OSBPL10: variants seen among roughly 807,000 people sequenced by gnomAD.
The protein encoded by OSBPL10 is oxysterol binding protein like 10, also known as oxysterol-binding protein-related protein 10.
A neutral mutation model predicts 81.7 loss-of-function variants in OSBPL10; 49 were observed. The ratio of observed to expected loss-of-function variants is 0.60; its 90% CI spans 0.48 to 0.76. The LOEUF (loss-of-function observed/expected upper bound fraction) is 0.76. OSBPL10 is among the 30% of genes least tolerant of loss of function. The pLI, the probability that OSBPL10 is intolerant of heterozygous loss-of-function variation, is 0.00. For missense variants in OSBPL10, 923 were observed against 987.8 expected (o/e 0.93, Z 0.88); for synonymous variants, 419 against 383.6 (o/e 1.09, Z -1.08).
intron 4 of OSBPL10, among the ~76,000 whole-genome samples, chr3:31,825,201 T>C (rs990940905): frequency 6.6e-6 from 1 of 152,090 alleles, no homozygotes; most frequent in Non-Finnish European, 1.5e-5. Context: ...TTTAGGAAGG[T>C]GGTTTTCTGG....
Position 31,683,792 on chromosome 3 carries a change from CT to C in OSBPL10, c.1567del (p.Ser523AlafsTer4). The C allele has an allele frequency of 6.2e-7, 1 of 1,614,182 alleles. No homozygotes were observed. The highest frequency in any genetic ancestry group is 8.5e-7 in the Non-Finnish European group (1 of 1,180,038). On this transcript the variant is annotated frameshift_variant, in exon 8 of 12. Coordinates refer to ENST00000396556, the MANE Select transcript of OSBPL10 (RefSeq NM_017784.5). LOFTEE classifies it high-confidence loss of function. ...CTCAGCCACAAACCTTAGTTTGTAG[CT>C]TTTGGAAGGGTCATCGGCCATTGGG... ...EHPMADDPSK[S>X]YKLRFVAEQV...
intron 1 of OSBPL10, among the ~76,000 whole-genome samples, chr3:32,074,591 C>A (rs1699858638): frequency 6.6e-6 from 1 of 152,150 alleles, no homozygotes; most frequent in South Asian, 2.1e-4. Context: ...CGCTACCCTC[C>A]CCCTGCTCAT....
At chr3:32,076,811 G>A (rs1040509906) in intron 1 of OSBPL10, among the ~76,000 whole-genome samples, 4 of 152,118 alleles carry the variant, frequency 2.6e-5, no homozygotes, top group African/African-American at 9.7e-5. Context: ...AGGGAGCCAA[G>A]CTGTCCTCTT....
chr3:31,777,683 T>C (rs1390209304), intron 4 of OSBPL10, among the ~76,000 whole-genome samples: 1 of 152,116 alleles, frequency 6.6e-6, no homozygotes, highest in African/African-American at 2.4e-5. Flanking sequence ...CAAGACAAGC[T>C]AAAAACTGAG....
At chr3:31,931,507 T>G (rs1416048890) in intron 1 of OSBPL10, among the ~76,000 whole-genome samples, 1 of 152,220 alleles carries the variant, frequency 6.6e-6, no homozygotes, top group East Asian at 1.9e-4. Context: ...GACCTTGGCC[T>G]AGACCTGATG....
At chr3:31,751,157 AAAAC>A (rs893294044) in intron 4 of OSBPL10, among the ~76,000 whole-genome samples, 57 of 152,140 alleles carry the variant, frequency 3.7e-4, no homozygotes, top group East Asian at 1.4e-3. Context: ...AAAAACAACA[AAAAC>A]AAACAAACAA....
intron 1 of OSBPL10, among the ~76,000 whole-genome samples, chr3:31,958,999 T>A (rs1246148134): frequency 1.3e-5 from 2 of 152,154 alleles, no homozygotes; most frequent in African/African-American, 4.8e-5. Flanking sequence ...AAAGGTCAAA[T>A]GTCATCTCTA....
At chr3:31,887,077 C>T (rs1011561704) in intron 1 of OSBPL10, among the ~76,000 whole-genome samples, 3 of 152,164 alleles carry the variant, frequency 2.0e-5, no homozygotes, top group African/African-American at 7.2e-5. Flanking sequence ...TCCCCACCCC[C>T]ACATGGTTCC....
At chr3:31,821,206 A>C (rs1352158650) in intron 4 of OSBPL10, among the ~76,000 whole-genome samples, 4 of 151,410 alleles carry the variant, frequency 2.6e-5, no homozygotes, top group Non-Finnish European at 4.4e-5. Context: ...TTGGTGGGGG[A>C]CATATCTCGG....
chr3:31,993,164 C>CTTATTTAATT (rs1699052202), intron 2 of OSBPL10, among the ~76,000 whole-genome samples: 1 of 129,032 alleles, frequency 7.8e-6, no homozygotes. Flanking sequence ...GTAAGAAAAC[C>CTTATTTAATT]TTATTTTATT....
intron 4 of OSBPL10, among the ~76,000 whole-genome samples, chr3:31,785,919 A>G (rs1262588506): frequency 1.3e-5 from 2 of 152,152 alleles, no homozygotes; most frequent in African/African-American, 4.8e-5. Flanking sequence ...GTTATGATTC[A>G]CTGTGATCCA....
intron 8 of OSBPL10, among the ~76,000 whole-genome samples, chr3:31,677,571 C>T (rs943902308): frequency 6.6e-6 from 1 of 152,174 alleles, no homozygotes; most frequent in African/African-American, 2.4e-5. Context: ...GTGAGAGCAA[C>T]AAATTCTAAT....
intron 8 of OSBPL10, among the ~76,000 whole-genome samples, chr3:31,676,580 C>T (rs1305587192): frequency 6.6e-6 from 1 of 152,208 alleles, no homozygotes; most frequent in East Asian, 1.9e-4. Context: ...TCAGCTGGGA[C>T]ATTCATCCTG....
chr3:31,940,474 C>G (rs1697503453), intron 1 of OSBPL10, among the ~76,000 whole-genome samples: 1 of 152,210 alleles, frequency 6.6e-6, no homozygotes, highest in African/African-American at 2.4e-5. Context: ...TGTCCTATAT[C>G]TGGTTTGATG....
At chr3:31,907,422 T>C (rs1047002462) in intron 1 of OSBPL10, among the ~76,000 whole-genome samples, 1 of 151,586 alleles carries the variant, frequency 6.6e-6, no homozygotes, top group African/African-American at 2.4e-5. Context: ...AGGTCAGCAG[T>C]TCAAGATCAG....
At chr3:31,782,108 T>C (rs1698711852) in intron 4 of OSBPL10, among the ~76,000 whole-genome samples, 1 of 152,096 alleles carries the variant, frequency 6.6e-6, no homozygotes, top group African/African-American at 2.4e-5. Flanking sequence ...AATATGCACA[T>C]AGACCAATGG....
chr3:31,917,391 G>GA (rs1696788302), intron 1 of OSBPL10, among the ~76,000 whole-genome samples: 2 of 151,662 alleles, frequency 1.3e-5, no homozygotes, highest in South Asian at 4.2e-4. Context: ...CTTGACTAGA[G>GA]AAAAAAAGTA....
chr3:31,859,347 A>G (rs910889385), intron 3 of OSBPL10, among the ~76,000 whole-genome samples: 4 of 152,252 alleles, frequency 2.6e-5, no homozygotes, highest in Non-Finnish European at 4.4e-5. Context: ...GTGACCGCCC[A>G]GGGAGGGCGT....
At position 31,748,054 on chromosome 3, in the gene OSBPL10, C is replaced by T. The variant is rs367556908; in HGVS notation, c.796G>A (p.Gly266Ser). The change falls in exon 5 of 12, where the codon GGC becomes AGC. Residue 266 changes from glycine (G) to serine (S), a missense_variant. Transcript: ENST00000396556. ...VHAIESLPGS[G>S]PLTALDQDLL... is the part of the protein sequence containing the mutation. ...TCCTGGTCCAAGGCAGTGAGGGGGC[C>T]GGACCCTGGCAGGGACTCAATGGCG... 4 of 1,614,024 alleles carry T rather than the reference C, an allele frequency of 2.5e-6. No individual in the cohort carries two copies. The highest frequency in any genetic ancestry group is 1.3e-5 in the African/African-American group (1 of 74,896).
Sources: allele counts gnomAD v4.1 joint callset (sites outside exome capture counted in the v4.1 genomes callset), GRCh38; gene constraint gnomAD v4.1.1; transcripts MANE v1.5; gene names NCBI Gene and HGNC (gene_info 2026-07-23, HGNC 2026-07-21).